Variants in ILDR2 observed in about 807,000 individuals in gnomAD.
ILDR2 encodes the protein immunoglobulin-like domain-containing receptor 2.
A neutral mutation model predicts 66.8 loss-of-function variants in ILDR2; 25 were observed. That is an observed-to-expected ratio of 0.37 (90% CI 0.27 to 0.52). The LOEUF (loss-of-function observed/expected upper bound fraction) is 0.52, where lower values mean the gene tolerates loss of function less well. Among genes scored for constraint, ILDR2 ranks in the 20% least tolerant of loss-of-function variants. The pLI is 0.88. For synonymous variants in ILDR2, 367 were observed against 357.2 expected (o/e 1.03, Z -0.31); for missense variants, 827 against 876.8 (o/e 0.94, Z 0.72).
At chr1:166,925,993 C>CT (rs1371551975) in intron 7 of ILDR2, among the ~76,000 whole-genome samples, 1 of 152,230 alleles carries the variant, frequency 6.6e-6, no homozygotes, top group Non-Finnish European at 1.5e-5. Flanking sequence ...GCAGTGACAT[C>CT]TGCATTCCTG....
intron 1 of ILDR2, among the ~76,000 whole-genome samples, chr1:166,961,772 G>A (rs1315445574): frequency 1.3e-5 from 2 of 152,166 alleles, no homozygotes; most frequent in Non-Finnish European, 2.9e-5. Context: ...CTAGAGCTAC[G>A]CAAGTACAGA....
At chr1:166,945,443 C>A (rs1661560192) in intron 3 of ILDR2, among the ~76,000 whole-genome samples, 1 of 152,210 alleles carries the variant, frequency 6.6e-6, no homozygotes, top group Non-Finnish European at 1.5e-5. Flanking sequence ...AAATAACTTA[C>A]CTATCTTACC....
In ILDR2 at chr1:166,957,925, T is replaced by C. The variant is rs770150743; in HGVS notation, c.223A>G (p.Thr75Ala). The C allele has an allele frequency of 1.2e-6, 2 of 1,613,884 alleles. No homozygotes were observed. Among genetic ancestry groups the C allele is most frequent in the Non-Finnish European group, 1.7e-6 (2 of 1,180,002 alleles). Residue 75 changes from threonine (T) to alanine (A), a missense_variant, in exon 2 of 10, where the codon ACC (threonine) becomes GCC (alanine). Physicochemically the swap from Thr to Ala is moderately conservative, Grantham distance 58. Transcript: ENST00000271417. ...CTCTTGCTGAGAGATTGGGCCCGGGTAGAGGACATGCCCAAGGATTCTCCC... is the reference window on the plus strand; with the variant it reads ...CTCTTGCTGAGAGATTGGGCCCGGGCAGAGGACATGCCCAAGGATTCTCCC... ...RMGESLGMSS[T>A]RAQSLSKRNL...
intron 2 of ILDR2, among the ~76,000 whole-genome samples, chr1:166,898,585 A>G (rs2101811105): frequency 6.6e-6 from 1 of 152,270 alleles, no homozygotes; most frequent in Non-Finnish European, 1.5e-5. Context: ...TTCATCTGAC[A>G]ATCTTTCCAC....
At chr1:166,945,035 T>C (rs1422800097) in intron 3 of ILDR2, among the ~76,000 whole-genome samples, 5 of 152,224 alleles carry the variant, frequency 3.3e-5, no homozygotes, top group African/African-American at 1.2e-4. Context: ...GCAGGGTTTC[T>C]AGCTGGACTT....
intron 6 of ILDR2, among the ~76,000 whole-genome samples, chr1:166,930,773 A>G (rs917225526): frequency 6.6e-6 from 1 of 152,174 alleles, no homozygotes; most frequent in African/African-American, 2.4e-5. Flanking sequence ...TAGACTGTAC[A>G]TTCCTTGACG....
Position 166,922,721 on chromosome 1 carries a change from G to C in ILDR2, c.1083C>G (p.Phe361Leu), listed in dbSNP as rs1660027637. 6.2e-7 allele frequency: 1 copy of C among 1,614,222 alleles called. No individual in the cohort carries two copies. The highest frequency in any genetic ancestry group is 1.1e-5 in the South Asian group (1 of 91,090). ...TGCTCTCCAAGTCCCCAGACACAGG[G>C]AACTGCTTGCTTCTCATCTGATGGA... ...QSFHQMRSKQ[F>L]PVSGDLESNP... The change falls in exon 8 of 10, where the codon TTC becomes TTG. Residue 361 changes from phenylalanine to leucine, a missense_variant. Around this residue, in one of 2 missense-constraint regions of ILDR2, gnomAD observed 437 missense variants for 523.2 expected, o/e 0.84. Transcript: ENST00000271417.
In ILDR2 at chr1:166,936,500, G is replaced by T. The variant is rs1411192071; in HGVS notation, c.703+91C>A. 6.4e-7 allele frequency: 1 copy of T among 1,573,252 alleles called. No homozygotes were observed. The highest frequency in any genetic ancestry group is 8.7e-7 in the Non-Finnish European group (1 of 1,156,044). ...AATCTTGGGGGTGGCAGGACAGGAG[G>T]TGGAGGAGGAACCCAGCGCACACAG... is the stretch of plus-strand genomic sequence containing the variant. On this transcript the variant is annotated intron_variant, in intron 5 of 9. Coordinates refer to ENST00000271417, the MANE Select transcript of ILDR2 (RefSeq NM_199351.3). The surrounding 1 kb of genome is among the most constrained non-coding windows in gnomAD (Gnocchi z 5.0).
Position 166,936,632 on chromosome 1 carries a change from C to T in ILDR2, c.662G>A (p.Arg221His), listed in dbSNP as rs762847026. Residue 221 changes from arginine to histidine, a missense_variant, in exon 5 of 10, where the codon CGC (arginine) becomes CAC (histidine). Transcript: ENST00000271417. The surrounding 1 kb of genome is among the most constrained non-coding windows in gnomAD (Gnocchi z 5.0). Reference protein sequence around the residue: ...CCPHSCCCYVRCPCCPDSCCC... With the variant: ...CCPHSCCCYVHCPCCPDSCCC... ...GCAGGAATCTGGGCAGCATGGGCAG[C>T]GGACATAGCAGCAGCAGCTGTGAGG... 8 of 1,613,800 alleles carry T rather than the reference C, an allele frequency of 5.0e-6. No homozygotes were observed. Among genetic ancestry groups the T allele is most frequent in the South Asian group, 1.1e-5 (1 of 91,068 alleles).
chr1:166,970,405 C>T (rs1348786720), intron 1 of ILDR2, among the ~76,000 whole-genome samples: 1 of 152,162 alleles, frequency 6.6e-6, no homozygotes, highest in Non-Finnish European at 1.5e-5. Context: ...GTACCTGTCA[C>T]TCTTTAGCTT....
At position 166,915,204 on chromosome 1, in the gene ILDR2, A is replaced by T. The variant is rs1571089299; in HGVS notation, c.*4151T>A. The T allele has an allele frequency of 6.6e-6, 1 of 152,158 alleles. No homozygotes were observed. 9.4% of individuals were successfully genotyped at this position (152,158 alleles called of 1,614,324 possible). Reference sequence around the variant, plus strand: ...CTCCTTTCTCTCTGCCTGTTTTCCCACTACCACTAGCGTACTCTGGTGAGC... The same window carrying T: ...CTCCTTTCTCTCTGCCTGTTTTCCCTCTACCACTAGCGTACTCTGGTGAGC... On this transcript the variant is annotated 3_prime_UTR_variant, in exon 10 of 10. Transcript: ENST00000271417.
At chr1:166,902,489 C>T (rs1659280719) in intron 2 of ILDR2, among the ~76,000 whole-genome samples, 1 of 152,164 alleles carries the variant, frequency 6.6e-6, no homozygotes, top group African/African-American at 2.4e-5. Context: ...CCAATCAGAA[C>T]ATGACAAGCT....
downstream of ILDR2, among the ~76,000 whole-genome samples, chr1:166,905,250 G>A (rs928703443): frequency 1.8e-4 from 27 of 151,972 alleles, no homozygotes; most frequent in African/African-American, 6.3e-4. Flanking sequence ...TCTCTCCCAC[G>A]GTCAGCTGGC....
At chr1:166,944,919 A>T (rs779965786) in intron 3 of ILDR2, among the ~76,000 whole-genome samples, 3 of 152,118 alleles carry the variant, frequency 2.0e-5, no homozygotes, top group Non-Finnish European at 4.4e-5. Flanking sequence ...CAGAGCAGGG[A>T]CTATGCTCTA....
Position 166,909,783 on chromosome 1 carries a change from ATATATAT to A in ILDR2, c.*9565_*9571del, listed in dbSNP as rs1571258376. The stretch of plus-strand genomic sequence containing the variant: ...TAAATATATATAAATATATATATTT[ATATATAT>A]ATATATATATATATATCCTTCTAGC... On this transcript the variant is annotated 3_prime_UTR_variant, in exon 10 of 10. Coordinates refer to ENST00000271417, the MANE Select transcript of ILDR2 (RefSeq NM_199351.3). The A allele has an allele frequency of 1.0e-4, 8 of 79,402 alleles. No homozygotes were observed. In the East Asian group the frequency reaches 1.9e-3, roughly 19 times the overall value. The allele number at this position is 79,402 out of a possible 1,614,324, so 4.9% of individuals were successfully genotyped here.
At chr1:166,900,592 C>T (rs1251868305) in intron 2 of ILDR2, among the ~76,000 whole-genome samples, 1 of 152,090 alleles carries the variant, frequency 6.6e-6, no homozygotes, top group African/African-American at 2.4e-5. Flanking sequence ...ATGGGTAAAC[C>T]ACAGCTCAGA....
At chr1:166,919,638 T>C (rs1659782988) in intron 9 of ILDR2, among the ~76,000 whole-genome samples, 1 of 152,238 alleles carries the variant, frequency 6.6e-6, no homozygotes, top group African/African-American at 2.4e-5. Context: ...ATAACTACTA[T>C]GTTTAGAGCT....
At chr1:166,968,998 G>A (rs112311185) in intron 1 of ILDR2, among the ~76,000 whole-genome samples, 19 of 152,254 alleles carry the variant, frequency 1.2e-4, no homozygotes, top group African/African-American at 4.3e-4. Context: ...ATCTAGTTTG[G>A]GTTCATAATC....
intron 5 of ILDR2, 78 bp from the exon 6 acceptor site, chr1:166,935,555 T>C: frequency 2.3e-6 from 3 of 1,328,394 alleles, no homozygotes; most frequent in African/African-American, 1.5e-5. Context: ...TCCCTGAGGA[T>C]GCACTTCAGG....
Sources: gnomAD v4.1 joint callset for allele counts (sites outside exome capture counted in the v4.1 genomes callset) on GRCh38, gnomAD v4.1.1 for gene constraint, gnomAD v4.1.1 regional missense constraint, Gnocchi (gnomAD v3.1) non-coding constraint, MANE v1.5 for transcripts, NCBI Gene and HGNC (gene_info 2026-07-23, HGNC 2026-07-21) for gene names.